The following YPEL2 variants were observed in gnomAD, a reference collection of about 807,000 sequenced individuals.
YPEL2 encodes protein yippee-like 2.
In YPEL2, 2 loss-of-function variants were observed where a neutral mutation model predicts 19.1. The ratio of observed to expected loss-of-function variants is 0.10; its 90% CI spans 0.04 to 0.33. The LOEUF (loss-of-function observed/expected upper bound fraction) is 0.33. Among genes scored for constraint, YPEL2 ranks in the 10% least tolerant of loss-of-function variants. The pLI is 1.00. For missense variants in YPEL2, 66 were observed against 140.7 expected, an observed-to-expected ratio of 0.47 and a Z score of 2.68; for synonymous variants, 52 against 50.0, an observed-to-expected ratio of 1.04 and a Z score of -0.17.
intron 2 of YPEL2, among the ~76,000 whole-genome samples, chr17:59,385,296 G>A (rs970710127): frequency 2.0e-5 from 3 of 152,144 alleles, no homozygotes; most frequent in Non-Finnish European, 4.4e-5. Context: ...TAGACTGGAC[G>A]CAGTGACTCA....
chr17:59,397,909 CCTCA>C lies in YPEL2; in HGVS notation c.*724_*727del, dbSNP rs1318228165. ...CCAGGTGGGTGCGATGACTCTGATG[CCTCA>C]CTCAGTCTCTGGGCAATCATCATCT... On this transcript the variant is annotated 3_prime_UTR_variant, in exon 5 of 5. Coordinates refer to ENST00000312655, the MANE Select transcript of YPEL2 (RefSeq NM_001005404.4). 6.6e-6 allele frequency: 1 copy of C among 152,200 alleles called. No individual in the cohort carries two copies. Among genetic ancestry groups the C allele is most frequent in the African/African-American group, 2.4e-5 (1 of 41,412 alleles). The allele number at this position is 152,200 out of a possible 1,614,324, so 9.4% of individuals were successfully genotyped here. A position where few individuals can be genotyped will look rare whatever the true frequency, so the allele number is the denominator to read the frequency against.
At chr17:59,358,628 A>T (rs1404919259) in intron 2 of YPEL2, among the ~76,000 whole-genome samples, 1 of 150,580 alleles carries the variant, frequency 6.6e-6, no homozygotes, top group African/African-American at 2.4e-5. Context: ...TATTTTTTTG[A>T]GACGGGGTTT....
Position 59,397,538 on chromosome 17 carries a change from G to A in YPEL2, c.*348G>A, listed in dbSNP as rs1191362234. The A allele has an allele frequency of 5.4e-6, 1 of 183,752 alleles. No homozygotes were observed. 11.4% of individuals were successfully genotyped at this position (183,752 alleles called of 1,614,324 possible). On this transcript the variant is annotated 3_prime_UTR_variant, in exon 5 of 5. Coordinates refer to ENST00000312655, the MANE Select transcript of YPEL2 (RefSeq NM_001005404.4). Reference sequence around the variant, plus strand: ...GAGCTGCCTGATGGCCTCTTGTCAGGAGAGCAGTGGCACGGGGGCGTGAGG... The same window carrying A: ...GAGCTGCCTGATGGCCTCTTGTCAGAAGAGCAGTGGCACGGGGGCGTGAGG...
chr17:59,360,127 A>G (rs13380861), intron 2 of YPEL2, among the ~76,000 whole-genome samples: 12,157 of 152,202 alleles, frequency 0.08, 608 homozygotes, highest in South Asian at 0.15. Context: ...CCCAGGCTGG[A>G]GTGCAGTGGC....
chr17:59,364,331 G>GA (rs2047857030), intron 2 of YPEL2, among the ~76,000 whole-genome samples: 2 of 152,156 alleles, frequency 1.3e-5, no homozygotes, highest in African/African-American at 4.8e-5. Context: ...ATAGCCCTGG[G>GA]AGAGGGCTGG....
chr17:59,345,234 T>C (rs2047750239), intron 1 of YPEL2: 1 of 152,202 alleles, frequency 6.6e-6, no homozygotes, highest in South Asian at 2.1e-4. Flanking sequence ...TGTAGGATTA[T>C]CATCTGACGT....
chr17:59,348,389 C>A (rs1268328819), intron 1 of YPEL2, among the ~76,000 whole-genome samples: 2 of 152,160 alleles, frequency 1.3e-5, no homozygotes, highest in African/African-American at 4.8e-5. Flanking sequence ...CAAGAGCGTC[C>A]CATCTCCCGC....
chr17:59,380,267 A>C (rs1004652582), intron 2 of YPEL2, among the ~76,000 whole-genome samples: 1 of 138,434 alleles, frequency 7.2e-6, no homozygotes, highest in African/African-American at 2.8e-5. Context: ...AACAGTATCT[A>C]ACTTCTTTTT....
At chr17:59,365,771 T>C (rs987912534) in intron 2 of YPEL2, among the ~76,000 whole-genome samples, 14 of 152,116 alleles carry the variant, frequency 9.2e-5, no homozygotes, top group African/African-American at 3.4e-4. Context: ...TTCCCTCCTC[T>C]CCCTGGCTTA....
chr17:59,347,680 A>G (rs927856641), intron 1 of YPEL2, among the ~76,000 whole-genome samples: 5 of 152,196 alleles, frequency 3.3e-5, no homozygotes, highest in Non-Finnish European at 4.4e-5. Context: ...TGGTTCCTCC[A>G]ATATTATTGC....
chr17:59,352,312 C>G (rs1451974535), intron 1 of YPEL2, among the ~76,000 whole-genome samples: 2 of 152,218 alleles, frequency 1.3e-5, no homozygotes, highest in South Asian at 4.2e-4. Context: ...AGTCTTAGAC[C>G]TCGTGGCCCT....
intron 2 of YPEL2, among the ~76,000 whole-genome samples, chr17:59,387,902 G>A (rs1333561609): frequency 1.3e-5 from 2 of 152,234 alleles, no homozygotes; most frequent in Non-Finnish European, 2.9e-5. Flanking sequence ...AAGAGGCCAA[G>A]CGAAGGAGCT....
Position 59,400,486 on chromosome 17 carries a change from GT to G in YPEL2, c.*3310del, listed in dbSNP as rs3835025. The G allele has an allele frequency of 0.67, 97,746 of 145,412 alleles. 33,553 individuals carry two copies. Among genetic ancestry groups the G allele is most frequent in the African/African-American group, 0.86 (33,998 of 39,636 alleles). 9.0% of individuals were successfully genotyped at this position (145,412 alleles called of 1,614,324 possible). Reference sequence around the variant, plus strand: ...CAGTGATCACCAATACATGTTTTCAGTTTTTTTTTTTTTTAAGGTCTCTATC... The same window carrying G: ...CAGTGATCACCAATACATGTTTTCAGTTTTTTTTTTTTTAAGGTCTCTATC... On this transcript the variant is annotated 3_prime_UTR_variant, in exon 5 of 5. Coordinates refer to ENST00000312655, the MANE Select transcript of YPEL2 (RefSeq NM_001005404.4).
intron 1 of YPEL2, among the ~76,000 whole-genome samples, chr17:59,338,201 C>T (rs1467221888): frequency 1.3e-5 from 2 of 152,182 alleles, no homozygotes; most frequent in East Asian, 1.9e-4. Context: ...GCTTACCCTC[C>T]AGTGTCTGGA....
At chr17:59,375,292 C>A (rs536073098) in intron 2 of YPEL2, among the ~76,000 whole-genome samples, 1 of 152,290 alleles carries the variant, frequency 6.6e-6, no homozygotes, top group African/African-American at 2.4e-5. Context: ...TGTACCCAAA[C>A]TACAGCCCAC....
chr17:59,353,986 CAGG>C lies in YPEL2; in HGVS notation c.117+461_117+463del. The C allele has an allele frequency of 3.7e-6, 1 of 268,234 alleles. No individual in the cohort carries two copies. Among genetic ancestry groups the C allele is most frequent in the South Asian group, 4.0e-5 (1 of 24,934 alleles). The allele number at this position is 268,234 out of a possible 1,614,324, so 16.6% of individuals were successfully genotyped here. ...AATTACTAAAATGGGTGGCTTTTGG[CAGG>C]GACCAAAAGTGGCTTGTTGAAGAGC... is the stretch of plus-strand genomic sequence containing the variant. On this transcript the variant is annotated intron_variant, in intron 2 of 4. Transcript: ENST00000312655. This position sits in a 1 kb window ranked among gnomAD's most constrained non-coding sequence, Gnocchi z 4.8.
chr17:59,348,693 A>C (rs1387281602), intron 1 of YPEL2, among the ~76,000 whole-genome samples: 1 of 152,118 alleles, frequency 6.6e-6, no homozygotes, highest in Non-Finnish European at 1.5e-5. Context: ...AATGGTGTTT[A>C]ATTTGCACAT....
At chr17:59,347,427 G>A (rs1283957796) in intron 1 of YPEL2, among the ~76,000 whole-genome samples, 3 of 152,084 alleles carry the variant, frequency 2.0e-5, no homozygotes, top group Non-Finnish European at 4.4e-5. Flanking sequence ...GTGTCCAGCC[G>A]GTCCTGTCTT....
chr17:59,338,100 A>G (rs1223845645), intron 1 of YPEL2, among the ~76,000 whole-genome samples: 1 of 152,176 alleles, frequency 6.6e-6, no homozygotes, highest in Non-Finnish European at 1.5e-5. Context: ...CTCCTGAGCT[A>G]CAGAGGAGTC....
Sources: allele counts gnomAD v4.1 joint callset (sites outside exome capture counted in the v4.1 genomes callset), GRCh38; gene constraint gnomAD v4.1.1; non-coding constraint Gnocchi (gnomAD v3.1); transcripts MANE v1.5; gene names NCBI Gene and HGNC (gene_info 2026-07-23, HGNC 2026-07-21).